The following RIN3 variants were observed in gnomAD, a reference collection of about 807,000 sequenced individuals.
RIN3 encodes the protein RAB5 interacting protein 3.
RIN3 carries 54 observed loss-of-function variants against 76.3 expected under a neutral mutation model. The observed-to-expected ratio is 0.71, with a 90% confidence interval of 0.57 to 0.89. The LOEUF (loss-of-function observed/expected upper bound fraction) is 0.89, where lower values mean the gene tolerates loss of function less well. Ranked by LOEUF, RIN3 falls within the 40% of genes least tolerant of loss-of-function variation. The pLI, the probability that RIN3 is intolerant of heterozygous loss-of-function variation, is 0.00. For synonymous variants in RIN3, 576 were observed against 564.0 expected, an observed-to-expected ratio of 1.02 and a Z score of -0.30; for missense variants, 1,256 against 1,322.1, an observed-to-expected ratio of 0.95 and a Z score of 0.78.
At chr14:92,664,713 T>C (rs1359750060) in intron 7 of RIN3, among the ~76,000 whole-genome samples, 1 of 152,166 alleles carries the variant, frequency 6.6e-6, no homozygotes, top group Non-Finnish European at 1.5e-5. Flanking sequence ...ATGTTTTGTC[T>C]GAATAGCGTA....
Position 92,566,548 on chromosome 14 carries a change from G to A in RIN3, c.249+10593G>A, listed in dbSNP as rs147027530. Among the ~76,000 whole-genome samples the A allele has an allele frequency of 4.1e-3, 628 of 152,324 alleles. 5 individuals are homozygous for A. Among genetic ancestry groups the A allele is most frequent in the African/African-American group, 0.015 (603 of 41,572 alleles). The stretch of plus-strand genomic sequence containing the variant: ...TCTGACCAAATGTGATACATCTCCT[G>A]AGTCAGGGCACATTGCCGCCAGAGC... On this transcript the variant is annotated intron_variant, in intron 2 of 9. Coordinates refer to ENST00000216487, the MANE Select transcript of RIN3 (RefSeq NM_024832.5).
rs1231264194 is a variant in RIN3 at position 92,523,600 on chromosome 14, G to A, written c.44+9624G>A. On this transcript the variant is annotated intron_variant, in intron 1 of 9. Transcript: ENST00000216487. ...AGGCAAGAAGGAGGAAGAGAGGGGA[G>A]AGAGAAGAGGCAGCTTTGCATCCAC... Among the ~76,000 whole-genome samples, 3 of 152,246 alleles carry A rather than the reference G, an allele frequency of 2.0e-5. No homozygotes were observed. In the East Asian group the frequency reaches 5.8e-4, roughly 29 times the overall value.
chr14:92,666,728 C>T (rs1888117905), intron 7 of RIN3, among the ~76,000 whole-genome samples: 1 of 152,204 alleles, frequency 6.6e-6, no homozygotes, highest in Non-Finnish European at 1.5e-5. Flanking sequence ...TGGGGAGAAA[C>T]AGACTCAAGC....
intron 1 of RIN3, among the ~76,000 whole-genome samples, chr14:92,547,132 A>T (rs1442401667): frequency 1.6e-5 from 1 of 60,608 alleles, no homozygotes; most frequent in East Asian, 2.5e-4. Flanking sequence ...TTATTATTAT[A>T]AAGTAAATTA....
rs73330141 is a variant in RIN3 at position 92,622,681 on chromosome 14, T to G, written c.440+7202T>G. Among the ~76,000 whole-genome samples the G allele has an allele frequency of 4.6e-3, 705 of 152,274 alleles. 6 individuals carry two copies. Among genetic ancestry groups the G allele is most frequent in the African/African-American group, 0.016 (682 of 41,556 alleles). On this transcript the variant is annotated intron_variant, in intron 4 of 9. Transcript: ENST00000216487. ...CTAGGCTAATTCCGATTGTCTACAG[T>G]TGACATCATCAAAGGAGGCAAGGGT...
At position 92,608,844 on chromosome 14, in the gene RIN3, T is replaced by G. The variant is rs534416233; in HGVS notation, c.368-6563T>G. Among the ~76,000 whole-genome samples, 530 of 152,296 alleles carry G rather than the reference T, an allele frequency of 3.5e-3. 2 individuals carry two copies. The highest frequency in any genetic ancestry group is 5.3e-3 in the Non-Finnish European group (359 of 68,026). On this transcript the variant is annotated intron_variant, in intron 3 of 9. Coordinates refer to ENST00000216487, the MANE Select transcript of RIN3 (RefSeq NM_024832.5). ...GCCACCGTGCCCAGCCTCTCTCTCTTAGCATTTTTAAGTTGTTTATTAAAT... is the reference window on the plus strand; with the variant it reads ...GCCACCGTGCCCAGCCTCTCTCTCTGAGCATTTTTAAGTTGTTTATTAAAT...
intron 6 of RIN3, 94 bp downstream of exon 6, chr14:92,653,169 C>A: frequency 7.5e-7 from 1 of 1,326,766 alleles, no homozygotes; most frequent in Non-Finnish European, 1.0e-6. Flanking sequence ...ATGCAGTGGA[C>A]GCTGTTGGTG....
At chr14:92,531,152 G>T (rs914046198) in intron 1 of RIN3, among the ~76,000 whole-genome samples, 2 of 152,148 alleles carry the variant, frequency 1.3e-5, no homozygotes, top group African/African-American at 4.8e-5. Flanking sequence ...CCGATGGGGT[G>T]GCTTACAAAC....
chr14:92,680,398 A>C (rs6575276), intron 8 of RIN3, among the ~76,000 whole-genome samples: 85,676 of 151,640 alleles, frequency 0.56, 24,551 homozygotes, highest in East Asian at 0.76. Flanking sequence ...CAGGGTTCCA[A>C]CATGTTGGCC....
chr14:92,616,543 G>A (rs1384622855), intron 4 of RIN3, among the ~76,000 whole-genome samples: 1 of 152,090 alleles, frequency 6.6e-6, no homozygotes, highest in East Asian at 1.9e-4. Context: ...CCTGAGAGAG[G>A]TGATCCCCAT....
intron 1 of RIN3, among the ~76,000 whole-genome samples, chr14:92,526,306 A>T (rs113566009): frequency 3.9e-5 from 6 of 152,096 alleles, no homozygotes; most frequent in African/African-American, 1.2e-4. Flanking sequence ...AAAATTTTTT[A>T]AAATTAGCTG....
chr14:92,547,462 A>G (rs1897316806), intron 1 of RIN3, among the ~76,000 whole-genome samples: 1 of 138,482 alleles, frequency 7.2e-6, no homozygotes, highest in Admixed American at 7.2e-5. Context: ...TGGTGTGAAC[A>G]CAGCTCACTG....
intron 3 of RIN3, among the ~76,000 whole-genome samples, chr14:92,607,822 T>C (rs746935486): frequency 1.3e-5 from 2 of 152,214 alleles, no homozygotes; most frequent in African/African-American, 2.4e-5. Flanking sequence ...ACATCCTTAC[T>C]ACAGAATATT....
rs187631658 is a variant in RIN3, at chr14:92,549,633, C to T, written c.45-6118C>T. 2.9e-4 allele frequency among the ~76,000 whole-genome samples: 44 copies of T among 152,344 alleles called. No individual in the cohort carries two copies. The East Asian group carries it at 8.5e-3, about 29-fold the overall frequency. ...AGCTGGGCACACTCAAGGCCAATTC[C>T]CGCCCTCCTTTAGGGAACTGGTGAG... On this transcript the variant is annotated intron_variant, in intron 1 of 9. Transcript: ENST00000216487.
intron 7 of RIN3, among the ~76,000 whole-genome samples, chr14:92,673,431 A>G (rs1482001922): frequency 6.6e-6 from 1 of 152,196 alleles, no homozygotes; most frequent in Admixed American, 6.5e-5. Context: ...ATGTGACAAG[A>G]TAAGTACTAT....
intron 3 of RIN3, among the ~76,000 whole-genome samples, chr14:92,599,138 C>A (rs899088507): frequency 6.6e-6 from 1 of 152,164 alleles, no homozygotes; most frequent in Non-Finnish European, 1.5e-5. Context: ...TGCATCCAGG[C>A]CTTGAAGCTC....
At chr14:92,516,081 C>T (rs1410664345) in intron 1 of RIN3, among the ~76,000 whole-genome samples, 1 of 152,094 alleles carries the variant, frequency 6.6e-6, no homozygotes, top group Non-Finnish European at 1.5e-5. Context: ...CTAGCAGGCA[C>T]CCCCATGCAG....
chr14:92,641,425 G>A, intron 5 of RIN3, 96 bp downstream of exon 5: 3 of 870,260 alleles, frequency 3.4e-6, no homozygotes, highest in Middle Eastern at 2.6e-4. Context: ...GGGACAGCCT[G>A]AGTCCCAGCT....
At position 92,651,960 on chromosome 14, in the gene RIN3, C is replaced by A. The variant is rs1248742506; in HGVS notation, c.911C>A (p.Ala304Asp). Reference protein sequence around the residue: ...PAQPPVLPALAPAPACPLPTS... With the variant: ...PAQPPVLPALDPAPACPLPTS... ...CAGCCCCCTGTGCTCCCTGCTCTTG[C>A]CCCCGCCCCTGCCTGTCCTTTGCCC... Residue 304 changes from alanine to aspartate, a missense_variant, in exon 6 of 10, where the codon GCC becomes GAC. Around this residue, in one of 3 missense-constraint regions of RIN3, gnomAD observed 610 missense variants for 626.4 expected, o/e 0.97. Transcript: ENST00000216487. The A allele has an allele frequency of 4.1e-6, 5 of 1,224,718 alleles. No individual in the cohort carries two copies. The highest frequency in any genetic ancestry group is 5.4e-6 in the Non-Finnish European group (5 of 925,818). The allele number at this position is 1,224,718 out of a possible 1,614,324, so 75.9% of individuals were successfully genotyped here. A position where few individuals can be genotyped will look rare whatever the true frequency, so the allele number is the denominator to read the frequency against.
Sources: gnomAD v4.1 joint callset for allele counts (sites outside exome capture counted in the v4.1 genomes callset) on GRCh38, gnomAD v4.1.1 for gene constraint, gnomAD v4.1.1 regional missense constraint, MANE v1.5 for transcripts, NCBI Gene and HGNC (gene_info 2026-07-23, HGNC 2026-07-21) for gene names.